The following ENTPD6 variants were observed in gnomAD, a reference collection of about 807,000 sequenced individuals.
The protein encoded by ENTPD6 is ectonucleoside triphosphate diphosphohydrolase 6.
ENTPD6 carries 46 observed loss-of-function variants against 61.5 expected under a neutral mutation model. The observed-to-expected ratio is 0.75, with a 90% confidence interval of 0.59 to 0.96. The LOEUF (loss-of-function observed/expected upper bound fraction) is 0.96. Among genes scored for constraint, ENTPD6 ranks in the 40% least tolerant of loss-of-function variants. The pLI is 0.00. For missense variants in ENTPD6, 612 were observed against 629.0 expected (o/e 0.97, Z 0.29); for synonymous variants, 252 against 255.5 (o/e 0.99, Z 0.13).
intron 12 of ENTPD6, 54 bp from the exon 13 acceptor site, chr20:25,224,047 T>C (rs2092721348): frequency 1.5e-5 from 23 of 1,555,610 alleles, no homozygotes; most frequent in Non-Finnish European, 2.0e-5. Context: ...CACGTCTCAG[T>C]GGCATCGCCA....
At chr20:25,198,430 G>A (rs1359769310) in intron 1 of ENTPD6, among the ~76,000 whole-genome samples, 2 of 151,964 alleles carry the variant, frequency 1.3e-5, no homozygotes, top group Non-Finnish European at 2.9e-5. Context: ...AGCTGAGATT[G>A]TGCTACTTCA....
At chr20:25,205,396 TCTGTGCCAGGGGC>T (rs2091392859) in intron 1 of ENTPD6, among the ~76,000 whole-genome samples, 1 of 152,102 alleles carries the variant, frequency 6.6e-6, no homozygotes, top group African/African-American at 2.4e-5. Context: ...TGCGTATCAG[TCTGTGCCAGGGGC>T]CTGAGGCAGG....
At chr20:25,199,055 C>T (rs550439431) in intron 1 of ENTPD6, among the ~76,000 whole-genome samples, 1 of 152,194 alleles carries the variant, frequency 6.6e-6, no homozygotes, top group South Asian at 2.1e-4. Context: ...CACTGCTGAG[C>T]CATCAGCAGA....
chr20:25,210,002 G>A, intron 4 of ENTPD6, 77 bp downstream of exon 4: 1 of 1,298,384 alleles, frequency 7.7e-7, no homozygotes, highest in Non-Finnish European at 1.1e-6. Flanking sequence ...GAATGTGGTA[G>A]GCTGTCTTCA....
chr20:25,216,615 G>T (rs776879985), intron 7 of ENTPD6, 33 bp from the exon 8 acceptor site: 2 of 1,524,540 alleles, frequency 1.3e-6, no homozygotes, highest in African/African-American at 1.4e-5. Context: ...TCTTACTAAT[G>T]CCCCTGTGCT....
At chr20:25,215,535 C>A in intron 6 of ENTPD6, 141 bp from the exon 7 acceptor site, 1 of 781,448 alleles carries the variant, frequency 1.3e-6, no homozygotes, top group Non-Finnish European at 2.2e-6. Context: ...CTCCTCTCTG[C>A]CGATGATCTG....
chr20:25,209,961 C>A (rs758710121), intron 4 of ENTPD6, 36 bp downstream of exon 4: 1 of 1,560,164 alleles, frequency 6.4e-7, no homozygotes, highest in Non-Finnish European at 8.8e-7. Context: ...TGTTCAACTG[C>A]AGAATGTGTT....
At chr20:25,200,418 A>G (rs1242299875) in intron 1 of ENTPD6, among the ~76,000 whole-genome samples, 2 of 152,034 alleles carry the variant, frequency 1.3e-5, no homozygotes, top group East Asian at 3.9e-4. Context: ...GGTAGAAGCC[A>G]TTTAGTTAAT....
rs992772687 is a variant in ENTPD6 at position 25,224,130 on chromosome 20, G to A, written c.1216G>A (p.Gly406Arg). 10 of 1,612,398 alleles carry A rather than the reference G, an allele frequency of 6.2e-6. No homozygotes were observed. Among genetic ancestry groups the A allele is most frequent in the Non-Finnish European group, 8.5e-6 (10 of 1,179,332 alleles). Residue 406 changes from glycine to arginine, a missense_variant, in exon 13 of 15, where the codon GGG (glycine) becomes AGG (arginine). Gly to Arg is a moderately radical substitution (Grantham distance 125). Coordinates refer to ENST00000376652, the MANE Select transcript of ENTPD6 (RefSeq NM_001247.5). The stretch of plus-strand genomic sequence containing the variant: ...GGAGAAGGGAGGCAGCCTGGTGGTG[G>A]GGGACTTCGAGATCGCAGCCAAGTA... The part of the protein sequence containing the change: ...DAEKGGSLVV[G>R]DFEIAAKYVC...
At chr20:25,209,021 A>G (rs2091740885) in intron 3 of ENTPD6, among the ~76,000 whole-genome samples, 1 of 151,750 alleles carries the variant, frequency 6.6e-6, no homozygotes, top group Non-Finnish European at 1.5e-5. Context: ...GGTTCAAGCG[A>G]TTCTCCTGCC....
chr20:25,217,626 A>T (rs780531073), intron 9 of ENTPD6, 45 bp downstream of exon 9: 6 of 1,554,158 alleles, frequency 3.9e-6, no homozygotes, highest in East Asian at 2.2e-5. Context: ...TGGGGTGGGT[A>T]TGCAGCTCCC....
chr20:25,203,721 A>G (rs1298720630), intron 1 of ENTPD6, among the ~76,000 whole-genome samples: 1 of 152,210 alleles, frequency 6.6e-6, no homozygotes, highest in Non-Finnish European at 1.5e-5. Context: ...GGTCAAGTAC[A>G]TCCAGTGCCT....
chr20:25,216,694 G>A lies in ENTPD6; in HGVS notation c.756G>A (p.Leu252=), dbSNP rs1310161615. The A allele has an allele frequency of 3.1e-6, 5 of 1,607,912 alleles. No individual in the cohort carries two copies. Among genetic ancestry groups the A allele is most frequent in the Non-Finnish European group, 4.2e-6 (5 of 1,177,668 alleles). ...GGAGCAGCGTGGGCATGCTGGACTT[G>A]GGCGGAGGATCCACTCAGATCGCCT... ...PGGSSVGMLD[L]GGGSTQIAFL... Residue 252 remains leucine (L), a synonymous_variant, in exon 8 of 15, where the codon TTG becomes TTA. Coordinates refer to ENST00000376652, the MANE Select transcript of ENTPD6 (RefSeq NM_001247.5).
At position 25,227,037 on chromosome 20, in the gene ENTPD6, G is replaced by A. The variant is rs6083783; in HGVS notation, c.*1440G>A. Among the ~76,000 whole-genome samples, 1 of 152,250 alleles carries A rather than the reference G, an allele frequency of 6.6e-6. No individual in the cohort carries two copies. Among genetic ancestry groups the A allele is most frequent in the African/African-American group, 2.4e-5 (1 of 41,480 alleles). On this transcript the variant is annotated 3_prime_UTR_variant, in exon 15 of 15. Coordinates refer to ENST00000376652, the MANE Select transcript of ENTPD6 (RefSeq NM_001247.5). Reference sequence around the variant, plus strand: ...GCAAGTCCCCATGTCATTCTGTTCAGCAAGGATCTGGTTTTGGTCTGGAAG... The same window carrying A: ...GCAAGTCCCCATGTCATTCTGTTCAACAAGGATCTGGTTTTGGTCTGGAAG...
In ENTPD6 at chr20:25,221,094, T is replaced by C. The variant is rs1028858298; in HGVS notation, c.944-138T>C. On this transcript the variant is annotated intron_variant, in intron 10 of 14. Coordinates refer to ENST00000376652, the MANE Select transcript of ENTPD6 (RefSeq NM_001247.5). The stretch of plus-strand genomic sequence containing the variant: ...TTGCTGCCACTTCCCAGGGAGGTGT[T>C]GCCTTCCCAGTGGACCTGGAAGCCA... The C allele has an allele frequency of 1.6e-5, 10 of 636,958 alleles. No individual in the cohort carries two copies. In the African/African-American group the frequency reaches 1.6e-4, roughly 10 times the overall value. 39.5% of individuals were successfully genotyped at this position (636,958 alleles called of 1,614,324 possible). A position where few individuals can be genotyped will look rare whatever the true frequency, so the allele number is the denominator to read the frequency against.
chr20:25,213,456 G>A (rs1156730498), intron 5 of ENTPD6, 50 bp downstream of exon 5: 3 of 1,540,684 alleles, frequency 1.9e-6, no homozygotes, highest in Non-Finnish European at 2.6e-6. Context: ...AGGGGCAACT[G>A]ATGACTGAAA....
At chr20:25,203,107 C>G (rs1440776647) in intron 1 of ENTPD6, among the ~76,000 whole-genome samples, 1 of 152,236 alleles carries the variant, frequency 6.6e-6, no homozygotes, top group African/African-American at 2.4e-5. Context: ...TATCTTCCCA[C>G]TGCCTCTGGC....
chr20:25,196,268 G>T (rs2090397390), intron 1 of ENTPD6: 2 of 1,045,940 alleles, frequency 1.9e-6, no homozygotes, highest in Non-Finnish European at 2.3e-6. Flanking sequence ...GGATCAGGCC[G>T]CTCGGACAGG....
At chr20:25,205,495 T>C (rs2091406667) in intron 1 of ENTPD6, among the ~76,000 whole-genome samples, 1 of 151,542 alleles carries the variant, frequency 6.6e-6, no homozygotes, top group South Asian at 2.1e-4. Flanking sequence ...AGGAGTGCGA[T>C]GAAGCCACAG....
Sources: allele counts gnomAD v4.1 joint callset (sites outside exome capture counted in the v4.1 genomes callset), GRCh38; gene constraint gnomAD v4.1.1; transcripts MANE v1.5; gene names NCBI Gene and HGNC (gene_info 2026-07-23, HGNC 2026-07-21).